The following AUTS2 variants were observed in gnomAD, a reference collection of about 807,000 sequenced individuals.
AUTS2 encodes autism susceptibility gene 2 protein.
AUTS2 carries 17 observed loss-of-function variants against 112.4 expected under a neutral mutation model. The observed-to-expected ratio is 0.15, with a 90% CI of 0.10 to 0.23. The LOEUF is 0.23. AUTS2 is among the 10% of genes least tolerant of loss of function. AUTS2 has a pLI of 1.00. For missense variants in AUTS2, 1,510 were observed against 1,701.6 expected (o/e 0.89, Z 1.98); for synonymous variants, 751 against 702.7 (o/e 1.07, Z -1.09).
intron 5 of AUTS2, chr7:70,436,377 T>G (rs1198460254): frequency 1.3e-5 from 2 of 152,268 alleles, no homozygotes; most frequent in Non-Finnish European, 2.9e-5. Context: ...CCAGCCTCTG[T>G]GTATCCAGAT....
chr7:70,659,819 G>T (rs1563108595), intron 5 of AUTS2, among the ~76,000 whole-genome samples: 1 of 152,144 alleles, frequency 6.6e-6, no homozygotes. Context: ...AAGGGGAAGG[G>T]TGGCAAGTGG....
Position 70,785,935 on chromosome 7 carries a change from C to G in AUTS2, c.2225-20C>G, listed in dbSNP as rs748401515. On this transcript the variant is annotated intron_variant, in intron 16 of 18. Coordinates refer to ENST00000342771, the MANE Select transcript of AUTS2 (RefSeq NM_015570.4). ...CAGCAGAGCCCCTGACCATTTCCTT[C>G]TTCCCCATCTTGTTTGCAGAGCCTT... The G allele has an allele frequency of 6.2e-7, 1 of 1,612,772 alleles. No individual in the cohort carries two copies. The highest frequency in any genetic ancestry group is 1.1e-5 in the South Asian group (1 of 91,028).
At chr7:70,077,869 C>CT (rs1562668452) in intron 2 of AUTS2, among the ~76,000 whole-genome samples, 2 of 152,182 alleles carry the variant, frequency 1.3e-5, no homozygotes, top group Non-Finnish European at 2.9e-5. Context: ...ACTCCAGACC[C>CT]TGGGATGTCT....
At chr7:69,811,645 A>G (rs1790547241) in intron 1 of AUTS2, among the ~76,000 whole-genome samples, 1 of 152,132 alleles carries the variant, frequency 6.6e-6, no homozygotes, top group Non-Finnish European at 1.5e-5. Flanking sequence ...TACCTGCAAT[A>G]AGTGATACCT....
chr7:70,501,489 A>G (rs1177724014), intron 5 of AUTS2, among the ~76,000 whole-genome samples: 1 of 152,218 alleles, frequency 6.6e-6, no homozygotes, highest in African/African-American at 2.4e-5. Context: ...AGAGATGCCC[A>G]TGTTTTCTTA....
chr7:70,581,081 CA>C (rs1295962622), intron 5 of AUTS2, among the ~76,000 whole-genome samples: 2 of 151,798 alleles, frequency 1.3e-5, no homozygotes, highest in African/African-American at 4.8e-5. Flanking sequence ...TCCTTTGCTT[CA>C]AAAAAAATTT....
chr7:70,377,023 G>A (rs1029478377), intron 4 of AUTS2, among the ~76,000 whole-genome samples: 1 of 151,604 alleles, frequency 6.6e-6, no homozygotes, highest in African/African-American at 2.4e-5. Context: ...GCAAATTGTG[G>A]CTTCATTGAT....
intron 5 of AUTS2, among the ~76,000 whole-genome samples, chr7:70,499,434 G>C (rs138596609): frequency 1.4e-3 from 212 of 152,328 alleles, no homozygotes; most frequent in African/African-American, 4.8e-3. Flanking sequence ...GATGGCCGGG[G>C]AACTGGGAAC....
At chr7:70,002,247 A>T (rs1799232671) in intron 2 of AUTS2, among the ~76,000 whole-genome samples, 1 of 152,120 alleles carries the variant, frequency 6.6e-6, no homozygotes, top group African/African-American at 2.4e-5. Flanking sequence ...CTTTCAGCAA[A>T]ATTTTTGGTC....
chr7:70,565,001 G>T (rs1245925968), intron 5 of AUTS2, among the ~76,000 whole-genome samples: 3 of 152,100 alleles, frequency 2.0e-5, no homozygotes, highest in Admixed American at 6.5e-5. Flanking sequence ...AGGAGGCTGA[G>T]GCAGAAGAAT....
rs567251486 is a variant in AUTS2, at chr7:70,477,340, C to A, written c.690+41559C>A. ...CTTGTTTGAAAAAAGGCAGGCCTGCCAAATTTGCCTACAGTTCCCAGTGAG... is the reference window on the plus strand; with the variant it reads ...CTTGTTTGAAAAAAGGCAGGCCTGCAAAATTTGCCTACAGTTCCCAGTGAG... On this transcript the variant is annotated intron_variant, in intron 5 of 18. Transcript: ENST00000342771. Among the ~76,000 whole-genome samples the A allele has an allele frequency of 1.0e-3, 157 of 152,186 alleles. 1 individual carries two copies. The highest frequency in any genetic ancestry group is 1.1e-3 in the Admixed American group (17 of 15,288).
intron 4 of AUTS2, among the ~76,000 whole-genome samples, chr7:70,141,576 T>G (rs908475176): frequency 1.3e-5 from 2 of 152,224 alleles, no homozygotes; most frequent in African/African-American, 2.4e-5. Context: ...ATTTTTTAAA[T>G]GTAACCTTCA....
intron 11 of AUTS2, 76 bp downstream of exon 11, chr7:70,771,720 C>T (rs922744823): frequency 9.1e-6 from 12 of 1,318,556 alleles, no homozygotes; most frequent in East Asian, 4.6e-5. Flanking sequence ...GGAAGTTCTG[C>T]GTCCTCTTGC....
At chr7:69,973,280 T>G (rs1242393888) in intron 2 of AUTS2, among the ~76,000 whole-genome samples, 3 of 152,254 alleles carry the variant, frequency 2.0e-5, no homozygotes, top group Non-Finnish European at 4.4e-5. Flanking sequence ...TTGTTTTTTG[T>G]ATCCTGTAAC....
At chr7:69,708,158 C>G (rs1305074255) in intron 1 of AUTS2, among the ~76,000 whole-genome samples, 1 of 152,114 alleles carries the variant, frequency 6.6e-6, no homozygotes, top group Non-Finnish European at 1.5e-5. Flanking sequence ...AGAGAGGACA[C>G]TGTGGTGTTT....
intron 5 of AUTS2, among the ~76,000 whole-genome samples, chr7:70,678,936 T>C (rs1242298291): frequency 6.6e-6 from 1 of 152,182 alleles, no homozygotes; most frequent in Non-Finnish European, 1.5e-5. Flanking sequence ...CTGGCAAACC[T>C]GGCCCAATCA....
At chr7:70,603,664 G>T (rs1338674169) in intron 5 of AUTS2, among the ~76,000 whole-genome samples, 1 of 152,172 alleles carries the variant, frequency 6.6e-6, no homozygotes, top group African/African-American at 2.4e-5. Context: ...ACAAGACCCT[G>T]GCCCTCGAGG....
At chr7:70,748,342 T>C (rs1788598451) in intron 6 of AUTS2, among the ~76,000 whole-genome samples, 1 of 152,188 alleles carries the variant, frequency 6.6e-6, no homozygotes, top group Admixed American at 6.5e-5. Flanking sequence ...AGAAAATCAA[T>C]GTAAAGGTTG....
chr7:69,608,493 G>A (rs1792855548), intron 1 of AUTS2, among the ~76,000 whole-genome samples: 1 of 152,152 alleles, frequency 6.6e-6, no homozygotes, highest in South Asian at 2.1e-4. Flanking sequence ...TGTTGAAGTA[G>A]ACTTCTTTTT....
Sources: allele counts gnomAD v4.1 joint callset (sites outside exome capture counted in the v4.1 genomes callset), GRCh38; gene constraint gnomAD v4.1.1; transcripts MANE v1.5; gene names NCBI Gene and HGNC (gene_info 2026-07-23, HGNC 2026-07-21).